STARD9: variants seen among roughly 807,000 people sequenced by gnomAD.
STARD9 encodes the protein stAR-related lipid transfer protein 9.
STARD9 carries 346 observed loss-of-function variants against 399.8 expected under a neutral mutation model. That is an observed-to-expected ratio of 0.87 (90% CI 0.79 to 0.95). The LOEUF is 0.95. Among genes scored for constraint, STARD9 ranks in the 40% least tolerant of loss-of-function variants. The pLI is 0.00. For missense variants in STARD9, 5,832 were observed against 5,667.5 expected (o/e 1.03, Z -0.93); for synonymous variants, 2,203 against 2,143.5 (o/e 1.03, Z -0.77).
chr15:42,707,687 G>T (rs1197349801), intron 26 of STARD9, among the ~76,000 whole-genome samples: 1 of 151,984 alleles, frequency 6.6e-6, no homozygotes, highest in Non-Finnish European at 1.5e-5. Context: ...GACCAGGCTG[G>T]TCTTGAACTC....
chr15:42,685,984 C>G lies in STARD9; in HGVS notation c.4406C>G (p.Ser1469Cys). ...NSSVSNVLAA[S>C]ATTLTHVGST... ...AGCGTATCAAACGTGCTGGCTGCCT[C>G]TGCCACCACCTTGACTCATGTAGGC... is the stretch of plus-strand genomic sequence containing the variant. The change falls in exon 23 of 33, where the codon TCT (serine) becomes TGT (cysteine). Residue 1469 changes from serine (S) to cysteine (C), a missense_variant. Physicochemically the swap from Ser to Cys is moderately radical, Grantham distance 112 (BLOSUM62 -1). Coordinates refer to ENST00000290607, the MANE Select transcript of STARD9 (RefSeq NM_020759.3). 6.5e-7 allele frequency: 1 copy of G among 1,537,302 alleles called. No individual in the cohort carries two copies. The highest frequency in any genetic ancestry group is 1.7e-4 in the Middle Eastern group (1 of 5,992).
Position 42,685,758 on chromosome 15 carries a change from T to C in STARD9, c.4180T>C (p.Tyr1394His), listed in dbSNP as rs537359825. 1 of 1,537,426 alleles carries C rather than the reference T, an allele frequency of 6.5e-7. No homozygotes were observed. Among genetic ancestry groups the C allele is most frequent in the East Asian group, 2.4e-5 (1 of 40,920 alleles). Residue 1394 changes from tyrosine (Y) to histidine (H), a missense_variant, in exon 23 of 33, where the codon TAT (tyrosine) becomes CAT (histidine). By Grantham distance (83) the Tyr-to-His change is moderately conservative. Around this residue, in one of 2 missense-constraint regions of STARD9, gnomAD observed 5,828 missense variants for 5,651.1 expected, o/e 1.03. Transcript: ENST00000290607. Reference sequence around the variant, plus strand: ...ATCAGATGCAGAAACGGTTCTGCCATATAGCTCCAAACTGCACCAAGGCAG... The same window carrying C: ...ATCAGATGCAGAAACGGTTCTGCCACATAGCTCCAAACTGCACCAAGGCAG... ...KPSDAETVLP[Y>H]SSKLHQGSTE... is the part of the protein sequence containing the mutation.
intron 20 of STARD9, among the ~76,000 whole-genome samples, chr15:42,677,839 C>A (rs529328685): frequency 1.3e-5 from 2 of 152,314 alleles, no homozygotes; most frequent in East Asian, 3.9e-4. Flanking sequence ...AGCAAGGCTG[C>A]CTCCCTTTCT....
rs138125436 is a variant in STARD9, at chr15:42,705,374, G to A, written c.13284+9494G>A. Among the ~76,000 whole-genome samples, 13 of 152,216 alleles carry A rather than the reference G, an allele frequency of 8.5e-5. No individual in the cohort carries two copies. In the East Asian group the frequency reaches 1.9e-3, roughly 23 times the overall value. On this transcript the variant is annotated intron_variant, in intron 26 of 32. Coordinates refer to ENST00000290607, the MANE Select transcript of STARD9 (RefSeq NM_020759.3). The stretch of plus-strand genomic sequence containing the variant: ...GTTGTTCAAATTGATGTTTCTGTGG[G>A]GAACTATCACTGACGGGTCCTATTC...
chr15:42,705,168 CCTT>C (rs1207966007), intron 26 of STARD9, among the ~76,000 whole-genome samples: 1 of 152,198 alleles, frequency 6.6e-6, no homozygotes, highest in Non-Finnish European at 1.5e-5. Context: ...ACTAACCTCT[CCTT>C]CTGCCATGTG....
chr15:42,623,053 A>G (rs966988715), intron 3 of STARD9, among the ~76,000 whole-genome samples: 1 of 152,148 alleles, frequency 6.6e-6, no homozygotes, highest in African/African-American at 2.4e-5. Context: ...GGAGTTTGAA[A>G]CCAGCCAGAC....
At chr15:42,578,900 T>C (rs957201083) in intron 1 of STARD9, among the ~76,000 whole-genome samples, 39 of 152,172 alleles carry the variant, frequency 2.6e-4, no homozygotes, top group African/African-American at 7.7e-4. Context: ...CTAAAATGTG[T>C]TCACAAACAG....
Position 42,637,925 on chromosome 15 carries a change from C to T in STARD9, c.370C>T (p.Pro124Ser), listed in dbSNP as rs190555115. The T allele has an allele frequency of 2.0e-6, 3 of 1,537,248 alleles. No individual in the cohort carries two copies. Among genetic ancestry groups the T allele is most frequent in the South Asian group, 1.2e-5 (1 of 84,064 alleles). Reference protein sequence around the residue: ...LGTPASVGLTPRICEGLFVRE... With the variant: ...LGTPASVGLTSRICEGLFVRE... ...TCACCAGGCCTCTGTTGGGTTGACA[C>T]CACGGATATGTGAGGTATAGACTAT... Residue 124 changes from proline to serine, a missense_variant, in exon 5 of 33, where the codon CCA (proline) becomes TCA (serine). By Grantham distance (74) the Pro-to-Ser change is moderately conservative (BLOSUM62 -1). This residue lies in a region of STARD9 where 5,828 missense variants were observed against 5,651.1 expected (regional missense o/e 1.03). Transcript: ENST00000290607.
rs1566933678 is a variant in STARD9, at chr15:42,684,571, C to T, written c.2993C>T (p.Thr998Ile). Residue 998 changes from threonine to isoleucine, a missense_variant, in exon 23 of 33, where the codon ACC becomes ATC. Physicochemically the swap from Thr to Ile is moderately conservative, Grantham distance 89 (BLOSUM62 -1). Transcript: ENST00000290607. ...AGWRKEGNLG[T>I]HKAAKGASCN... is the part of the protein sequence containing the mutation. ...TGGCGAAAAGAAGGGAACCTTGGGACCCACAAGGCTGCTAAGGGAGCCAGT... is the reference window on the plus strand; with the variant it reads ...TGGCGAAAAGAAGGGAACCTTGGGATCCACAAGGCTGCTAAGGGAGCCAGT... 2.0e-6 allele frequency: 3 copies of T among 1,537,220 alleles called. No homozygotes were observed. The highest frequency in any genetic ancestry group is 2.6e-6 in the Non-Finnish European group (3 of 1,146,902).
intron 3 of STARD9, among the ~76,000 whole-genome samples, chr15:42,598,000 ATGTGTGTGTGTG>A (rs572054615): frequency 1.1e-3 from 127 of 115,178 alleles, no homozygotes; most frequent in Admixed American, 4.2e-3. Flanking sequence ...GTATATATAT[ATGTGTGTGTGTG>A]TGTGTGTGTG....
In STARD9 at chr15:42,692,067, A is replaced by G; in HGVS notation, c.10489A>G (p.Ser3497Gly). 6.5e-7 allele frequency: 1 copy of G among 1,537,256 alleles called. No individual in the cohort carries two copies. The highest frequency in any genetic ancestry group is 8.7e-7 in the Non-Finnish European group (1 of 1,146,918). The stretch of plus-strand genomic sequence containing the variant: ...TGGCAGTGCAGTCGATGTTTCCTGC[A>G]GCCAGAAGCCCCAGGGGCTGACACT... ...MSGSAVDVSC[S>G]QKPQGLTLSN... Residue 3497 changes from serine to glycine, a missense_variant, in exon 23 of 33, where the codon AGC becomes GGC. Ser to Gly is a moderately conservative substitution (Grantham distance 56). This residue lies in a region of STARD9 where 5,828 missense variants were observed against 5,651.1 expected (regional missense o/e 1.03). Coordinates refer to ENST00000290607, the MANE Select transcript of STARD9 (RefSeq NM_020759.3).
chr15:42,679,729 G>T (rs1056712691), intron 20 of STARD9, among the ~76,000 whole-genome samples: 1 of 152,178 alleles, frequency 6.6e-6, no homozygotes, highest in African/African-American at 2.4e-5. Flanking sequence ...TGCCAGGGTG[G>T]TGCAAAAGCA....
intron 26 of STARD9, among the ~76,000 whole-genome samples, chr15:42,696,096 G>A (rs2060841393): frequency 1.3e-5 from 2 of 152,214 alleles, no homozygotes; most frequent in African/African-American, 4.8e-5. Flanking sequence ...TATTCTGTGG[G>A]TATTATTTTA....
At chr15:42,708,315 CCAGATCTGG>C (rs972474436) in intron 26 of STARD9, among the ~76,000 whole-genome samples, 1 of 152,186 alleles carries the variant, frequency 6.6e-6, no homozygotes, top group African/African-American at 2.4e-5. Flanking sequence ...GGCCCTTTGG[CCAGATCTGG>C]CCTGCTTCCT....
chr15:42,626,233 ATTCTTC>A (rs750568752), intron 3 of STARD9, among the ~76,000 whole-genome samples: 12 of 150,610 alleles, frequency 8.0e-5, no homozygotes, highest in South Asian at 2.1e-4. Flanking sequence ...AAGAGTTTTA[ATTCTTC>A]TTCTTCTTCT....
At chr15:42,641,787 A>G (rs2141951455) in intron 7 of STARD9, among the ~76,000 whole-genome samples, 1 of 151,766 alleles carries the variant, frequency 6.6e-6, no homozygotes, top group South Asian at 2.1e-4. Flanking sequence ...TATTTTTAGT[A>G]GAGATGGGGT....
At chr15:42,578,153 C>G (rs1434541375) in intron 1 of STARD9, among the ~76,000 whole-genome samples, 1 of 150,978 alleles carries the variant, frequency 6.6e-6, no homozygotes, top group Non-Finnish European at 1.5e-5. Flanking sequence ...CTCTGTCACC[C>G]AGGCTGGAGT....
At chr15:42,718,270 C>T in intron 30 of STARD9, 91 bp downstream of exon 30, 1 of 1,355,498 alleles carries the variant, frequency 7.4e-7, no homozygotes, top group African/African-American at 1.4e-5. Context: ...GGGTTGGAGG[C>T]AGCCCTCTTT....
At chr15:42,592,765 G>C (rs549288053) in intron 3 of STARD9, among the ~76,000 whole-genome samples, 1 of 152,280 alleles carries the variant, frequency 6.6e-6, no homozygotes, top group South Asian at 2.1e-4. Flanking sequence ...CTTAAGGCAA[G>C]TCATTATTGG....
Sources: gnomAD v4.1 joint callset for allele counts (sites outside exome capture counted in the v4.1 genomes callset) on GRCh38, gnomAD v4.1.1 for gene constraint, gnomAD v4.1.1 regional missense constraint, MANE v1.5 for transcripts, NCBI Gene and HGNC (gene_info 2026-07-23, HGNC 2026-07-21) for gene names.